The following RPS20 variants were observed in gnomAD, a reference collection of about 807,000 sequenced individuals.
The protein encoded by RPS20 is small ribosomal subunit protein uS10.
In RPS20, 3 loss-of-function variants were observed where a neutral mutation model predicts 15.3. That is an observed-to-expected ratio of 0.20 (90% CI 0.09 to 0.51). The LOEUF (loss-of-function observed/expected upper bound fraction) is 0.51, where lower values mean the gene tolerates loss of function less well. Ranked by LOEUF, RPS20 falls within the 20% of genes least tolerant of loss-of-function variation. The pLI is 0.96. For missense variants in RPS20, 67 were observed against 145.9 expected, an observed-to-expected ratio of 0.46 and a Z score of 2.79; for synonymous variants, 62 against 47.8, an observed-to-expected ratio of 1.30 and a Z score of -1.23.
At chr8:56,073,481 G>A in intron 3 of RPS20, 1 of 634,646 alleles carries the variant, frequency 1.6e-6, no homozygotes, top group Non-Finnish European at 2.8e-6. Context: ...CGCCTGTTAA[G>A]CACCAAAGCA....
In RPS20 at chr8:56,074,118, C is replaced by A. The variant is rs770004461; in HGVS notation, c.45G>T (p.Val15=). ...DTGKTPVEPE[V]AIHRIRITLT... ...GGGTGATTCGAATTCGGTGAATTGC[C>A]ACCTCCGGCTCCACGGGTGTTTTTC... The change falls in exon 2 of 4, where the codon GTG becomes GTT. Residue 15 remains valine (V), a synonymous_variant. Transcript: ENST00000009589. The A allele has an allele frequency of 6.2e-7, 1 of 1,613,838 alleles. No homozygotes were observed. Among genetic ancestry groups the A allele is most frequent in the Admixed American group, 1.7e-5 (1 of 60,018 alleles).
Position 56,074,473 on chromosome 8 carries a change from C to T in RPS20, c.-90G>A, listed in dbSNP as rs139234535. The stretch of plus-strand genomic sequence containing the variant: ...GAGCAGGAGCGTGCGGACCAAAAAT[C>T]CTCAGCCCTTACGACCGCGTCTTCC... On this transcript the variant is annotated 5_prime_UTR_variant, in exon 1 of 4. Coordinates refer to ENST00000009589, the MANE Select transcript of RPS20 (RefSeq NM_001023.4). 2.2e-4 allele frequency: 311 copies of T among 1,435,940 alleles called. No individual in the cohort carries two copies. The highest frequency in any genetic ancestry group is 1.4e-3 in the Middle Eastern group (6 of 4,236). 88.9% of individuals were successfully genotyped at this position (1,435,940 alleles called of 1,614,324 possible).
At chr8:56,071,354 G>A (rs1016723201), downstream of RPS20, among the ~76,000 whole-genome samples, 5 of 152,170 alleles carry the variant, frequency 3.3e-5, no homozygotes, top group Admixed American at 6.5e-5. Context: ...TGGGGGCCAC[G>A]TATTGATAGG....
exon 6 of RPS20, chr8:56,067,868 T>C (rs1007938830): frequency 4.0e-5 from 6 of 151,740 alleles, no homozygotes; most frequent in Admixed American, 3.9e-4. Flanking sequence ...TGGTTCAGGG[T>C]GAAAAAAAAG....
rs1381659426 is a variant in RPS20, at chr8:56,074,399, G to A, written c.-16C>T. The A allele has an allele frequency of 1.3e-6, 2 of 1,558,320 alleles. No homozygotes were observed. Among genetic ancestry groups the A allele is most frequent in the Non-Finnish European group, 8.6e-7 (1 of 1,157,856 alleles). ...GCCTCACCATGGCTGTTGCGCGCGG[G>A]CTTCCTGACCGACTTGTTCCTCGGC... On this transcript the variant is annotated 5_prime_UTR_variant, in exon 1 of 4. Coordinates refer to ENST00000009589, the MANE Select transcript of RPS20 (RefSeq NM_001023.4).
chr8:56,073,885 G>C lies in RPS20; in HGVS notation c.104-117C>G, dbSNP rs1809843824. On this transcript the variant is annotated intron_variant, in intron 2 of 3. Coordinates refer to ENST00000009589, the MANE Select transcript of RPS20 (RefSeq NM_001023.4). ...TTATCACCGTTACTCAACACAATAG[G>C]TACCTCCTCATCGCCAGCTGTATGA... 5 of 1,115,328 alleles carry C rather than the reference G, an allele frequency of 4.5e-6. No individual in the cohort carries two copies. In the East Asian group the frequency reaches 9.4e-5, roughly 21 times the overall value. The allele number at this position is 1,115,328 out of a possible 1,614,324, so 69.1% of individuals were successfully genotyped here. A position where few individuals can be genotyped will look rare whatever the true frequency, so the allele number is the denominator to read the frequency against.
intron 2 of RPS20, 86 bp from the exon 3 acceptor site, chr8:56,073,854 A>C: frequency 1.5e-6 from 2 of 1,301,726 alleles, no homozygotes; most frequent in South Asian, 1.2e-5. Flanking sequence ...AGAATAGCGT[A>C]TAAAATTATC....
At chr8:56,069,879 T>A (rs896275213), downstream of RPS20, 14 of 848,442 alleles carry the variant, frequency 1.7e-5, no homozygotes, top group East Asian at 2.6e-5. Context: ...CTACTGCACA[T>A]GTATAGACAT....
chr8:56,073,975 T>C, intron 2 of RPS20, 85 bp downstream of exon 2: 1 of 1,226,612 alleles, frequency 8.2e-7, no homozygotes, highest in South Asian at 1.2e-5. Context: ...GTTCTTGCAG[T>C]CCACCTTCTA....
At chr8:56,071,993 G>A (rs1015277285), downstream of RPS20, among the ~76,000 whole-genome samples, 6 of 152,168 alleles carry the variant, frequency 3.9e-5, no homozygotes, top group African/African-American at 1.4e-4. Context: ...TGTAACACCA[G>A]CAGTTTAGTA....
downstream of RPS20, among the ~76,000 whole-genome samples, chr8:56,070,923 A>C (rs964128550): frequency 6.6e-6 from 1 of 152,132 alleles, no homozygotes; most frequent in African/African-American, 2.4e-5. Flanking sequence ...ATGGCCTGTT[A>C]ACTTGCATAG....
chr8:56,071,632 A>G (rs190022852), downstream of RPS20, among the ~76,000 whole-genome samples: 1 of 152,356 alleles, frequency 6.6e-6, no homozygotes, highest in East Asian at 1.9e-4. Flanking sequence ...AACACAGGAC[A>G]GAGCTTCTGG....
downstream of RPS20, among the ~76,000 whole-genome samples, chr8:56,071,620 G>A (rs546653124): frequency 6.6e-6 from 1 of 152,290 alleles, no homozygotes; most frequent in South Asian, 2.1e-4. Context: ...ATTCAGACTA[G>A]GAACACAGGA....
downstream of RPS20, chr8:56,069,907 T>C (rs951715502): frequency 9.4e-6 from 7 of 748,032 alleles, no homozygotes; most frequent in African/African-American, 1.2e-4. Context: ...CTTGTCATTA[T>C]TCCCTGAATA....
downstream of RPS20, among the ~76,000 whole-genome samples, chr8:56,071,164 C>T (rs77070636): frequency 0.02 from 2,969 of 152,256 alleles, 80 homozygotes; most frequent in African/African-American, 0.06. Context: ...TTCACAATTC[C>T]GTGAAAGCCA....
At chr8:56,067,934 A>C (rs1809654706) in exon 6 of RPS20, 1 of 152,194 alleles carries the variant, frequency 6.6e-6, no homozygotes, top group Admixed American at 6.5e-5. Flanking sequence ...AGATTTCTGG[A>C]TATTTGTTGC....
chr8:56,073,840 G>T (rs370215748), intron 2 of RPS20, 72 bp from the exon 3 acceptor site: 2 of 1,346,482 alleles, frequency 1.5e-6, no homozygotes, highest in Non-Finnish European at 1.1e-6. Context: ...ACTTCTGCTG[G>T]CTCAGAATAG....
At chr8:56,067,985 A>ACT (rs1809655883) in exon 6 of RPS20, 1 of 152,202 alleles carries the variant, frequency 6.6e-6, no homozygotes, top group South Asian at 2.1e-4. Flanking sequence ...AACTGTTAGA[A>ACT]AAGAGTCTCT....
chr8:56,074,474 C>T lies in RPS20; in HGVS notation c.-91G>A, dbSNP rs1809877313. On this transcript the variant is annotated 5_prime_UTR_variant, in exon 1 of 4. Coordinates refer to ENST00000009589, the MANE Select transcript of RPS20 (RefSeq NM_001023.4). ...AGCAGGAGCGTGCGGACCAAAAATC[C>T]TCAGCCCTTACGACCGCGTCTTCCT... is the stretch of plus-strand genomic sequence containing the variant. The T allele has an allele frequency of 6.3e-6, 9 of 1,431,674 alleles. No homozygotes were observed. The highest frequency in any genetic ancestry group is 2.5e-5 in the South Asian group (2 of 80,916). The allele number at this position is 1,431,674 out of a possible 1,614,324, so 88.7% of individuals were successfully genotyped here.
Sources: allele counts gnomAD v4.1 joint callset (sites outside exome capture counted in the v4.1 genomes callset), GRCh38; gene constraint gnomAD v4.1.1; transcripts MANE v1.5; gene names NCBI Gene and HGNC (gene_info 2026-07-23, HGNC 2026-07-21).